The following KHDRBS2 variants were observed in gnomAD, a reference collection of about 807,000 sequenced individuals.
KHDRBS2 encodes KH RNA binding domain containing, signal transduction associated 2, also known as KH domain-containing, RNA-binding, signal transduction-associated protein 2.
KHDRBS2 carries 26 observed loss-of-function variants against 44.3 expected under a neutral mutation model. That is an observed-to-expected ratio of 0.59 (90% CI 0.43 to 0.81). The LOEUF (loss-of-function observed/expected upper bound fraction) is 0.81, where lower values mean the gene tolerates loss of function less well. KHDRBS2 is among the 40% of genes least tolerant of loss of function. The pLI is 0.00. For synonymous variants in KHDRBS2, 194 were observed against 151.1 expected (o/e 1.28, Z -2.08); for missense variants, 476 against 433.1 (o/e 1.10, Z -0.88).
At chr6:62,256,403 A>T (rs1302561039) in intron 1 of KHDRBS2, among the ~76,000 whole-genome samples, 1 of 151,894 alleles carries the variant, frequency 6.6e-6, no homozygotes, top group Non-Finnish European at 1.5e-5. Flanking sequence ...GGAGGTAATT[A>T]AATCATGGGG....
intron 3 of KHDRBS2, among the ~76,000 whole-genome samples, chr6:62,017,875 C>T (rs1378821203): frequency 1.3e-5 from 2 of 151,910 alleles, no homozygotes; most frequent in African/African-American, 4.8e-5. Flanking sequence ...TTGTGGAGAA[C>T]AAAGAGCAAT....
intron 4 of KHDRBS2, among the ~76,000 whole-genome samples, chr6:61,968,052 C>A (rs1223604981): frequency 6.6e-6 from 1 of 151,176 alleles, no homozygotes; most frequent in African/African-American, 2.4e-5. Flanking sequence ...AAATCTATAA[C>A]TTTATTACTC....
At chr6:61,627,076 A>G in the KHDRBS2 span, among the ~76,000 whole-genome samples, 7 of 151,090 alleles carry the variant, frequency 4.6e-5, no homozygotes, top group Non-Finnish European at 4.4e-5. Context: ...ACACGGTGAA[A>G]CCCCGTCTCT....
At chr6:61,723,654 A>T (rs1348941131) in intron 7 of KHDRBS2, among the ~76,000 whole-genome samples, 1 of 152,036 alleles carries the variant, frequency 6.6e-6, no homozygotes, top group Non-Finnish European at 1.5e-5. Context: ...GAGCTGAAAA[A>T]CTCAATACGA....
intron 6 of KHDRBS2, among the ~76,000 whole-genome samples, chr6:61,774,449 C>T (rs1479294599): frequency 1.3e-5 from 2 of 152,082 alleles, no homozygotes; most frequent in Non-Finnish European, 2.9e-5. Context: ...TCAGCAAAGT[C>T]TCAGGATACA....
At chr6:61,770,518 C>G (rs1237309385) in intron 6 of KHDRBS2, among the ~76,000 whole-genome samples, 1 of 152,160 alleles carries the variant, frequency 6.6e-6, no homozygotes, top group East Asian at 1.9e-4. Flanking sequence ...AAAACCAAGG[C>G]ACGAGAGCTA....
the KHDRBS2 span, among the ~76,000 whole-genome samples, chr6:61,664,799 G>A: frequency 5.9e-5 from 9 of 151,708 alleles, no homozygotes; most frequent in African/African-American, 1.9e-4. Context: ...CTTAAACACT[G>A]TTTCACTGAA....
At chr6:61,695,870 A>G (rs1181326488) in intron 8 of KHDRBS2, among the ~76,000 whole-genome samples, 4 of 152,082 alleles carry the variant, frequency 2.6e-5, no homozygotes, top group Non-Finnish European at 5.9e-5. Flanking sequence ...GCCCTTCGCC[A>G]GCCTGATGCA....
At chr6:61,837,362 C>T (rs567466584) in intron 6 of KHDRBS2, among the ~76,000 whole-genome samples, 28 of 152,038 alleles carry the variant, frequency 1.8e-4, no homozygotes, top group African/African-American at 6.5e-4. Flanking sequence ...CTCTGAAGAC[C>T]ATATCTTCCT....
intron 2 of KHDRBS2, among the ~76,000 whole-genome samples, chr6:62,099,479 A>C (rs531096440): frequency 6.6e-6 from 1 of 152,232 alleles, no homozygotes; most frequent in Admixed American, 6.5e-5. Flanking sequence ...TCCCTAGAGG[A>C]GGGCCAAAGA....
chr6:62,245,546 T>A (rs1835408663), intron 1 of KHDRBS2, among the ~76,000 whole-genome samples: 1 of 152,134 alleles, frequency 6.6e-6, no homozygotes, highest in South Asian at 2.1e-4. Context: ...TTGGCCAGGA[T>A]CATCCCAAAC....
chr6:62,268,994 A>T (rs1186552085), intron 1 of KHDRBS2, among the ~76,000 whole-genome samples: 3 of 152,086 alleles, frequency 2.0e-5, no homozygotes, highest in Admixed American at 6.6e-5. Flanking sequence ...CAATTTAAAC[A>T]CAGCATTGGG....
intron 3 of KHDRBS2, among the ~76,000 whole-genome samples, chr6:62,028,230 G>T (rs995953037): frequency 2.0e-5 from 3 of 152,052 alleles, no homozygotes; most frequent in African/African-American, 7.2e-5. Context: ...GAGTATAGAA[G>T]AAATGGGAGT....
intron 2 of KHDRBS2, among the ~76,000 whole-genome samples, chr6:62,167,169 G>T (rs1264108919): frequency 6.6e-6 from 1 of 151,980 alleles, no homozygotes; most frequent in Non-Finnish European, 1.5e-5. Context: ...AGGGCTAGGG[G>T]TTTTGTTGCA....
chr6:62,239,158 T>C (rs182672331), intron 1 of KHDRBS2, among the ~76,000 whole-genome samples: 1 of 152,346 alleles, frequency 6.6e-6, no homozygotes, highest in East Asian at 1.9e-4. Context: ...GTGATATTGT[T>C]GTATATGAGA....
chr6:62,286,068 CTG>C lies in KHDRBS2; in HGVS notation c.-122_-121del. The C allele has an allele frequency of 2.9e-6, 2 of 694,102 alleles. No individual in the cohort carries two copies. Among genetic ancestry groups the C allele is most frequent in the South Asian group, 3.1e-5 (2 of 64,918 alleles). 43.0% of individuals were successfully genotyped at this position (694,102 alleles called of 1,614,324 possible). A position where few individuals can be genotyped will look rare whatever the true frequency, so the allele number is the denominator to read the frequency against. On this transcript the variant is annotated 5_prime_UTR_variant, in exon 1 of 9. Transcript: ENST00000281156. ...TCCTCCTCCGCGCGGCGAGGGATCT[CTG>C]TGCGTCCTCACTGGCCCATGCACCC...
chr6:62,252,412 T>C (rs16882682), intron 1 of KHDRBS2, among the ~76,000 whole-genome samples: 2,383 of 152,052 alleles, frequency 0.016, 61 homozygotes, highest in African/African-American at 0.054. Context: ...TGTTTAGCAA[T>C]AAGTATCATT....
At chr6:61,624,445 G>A in the KHDRBS2 span, among the ~76,000 whole-genome samples, 1 of 152,268 alleles carries the variant, frequency 6.6e-6, no homozygotes, top group Admixed American at 6.5e-5. Flanking sequence ...ACCCTCACAG[G>A]GATAGAAATA....
At chr6:61,571,554 A>C in the KHDRBS2 span, among the ~76,000 whole-genome samples, 2 of 152,210 alleles carry the variant, frequency 1.3e-5, no homozygotes, top group African/African-American at 4.8e-5. Flanking sequence ...TACCCTAGAA[A>C]AAAATGGACT....
Sources: gnomAD v4.1 joint callset for allele counts (sites outside exome capture counted in the v4.1 genomes callset) on GRCh38, gnomAD v4.1.1 for gene constraint, MANE v1.5 for transcripts, NCBI Gene and HGNC (gene_info 2026-07-23, HGNC 2026-07-21) for gene names.